The following BMPR1B variants were observed in gnomAD, a reference collection of about 807,000 sequenced individuals.
BMPR1B encodes the protein bone morphogenetic protein receptor type 1B.
A neutral mutation model predicts 59.1 loss-of-function variants in BMPR1B; 12 were observed. The ratio of observed to expected loss-of-function variants is 0.20; its 90% CI spans 0.13 to 0.33. The LOEUF (loss-of-function observed/expected upper bound fraction) is 0.33, where lower values mean the gene tolerates loss of function less well. Ranked by LOEUF, BMPR1B falls within the 10% of genes least tolerant of loss-of-function variation. The pLI is 1.00. For missense variants in BMPR1B, 550 were observed against 610.9 expected (o/e 0.90, Z 1.05); for synonymous variants, 237 against 207.3 (o/e 1.14, Z -1.23).
chr4:95,014,365 A>G (rs1049944824), intron 3 of BMPR1B, among the ~76,000 whole-genome samples: 1 of 152,224 alleles, frequency 6.6e-6, no homozygotes, highest in Non-Finnish European at 1.5e-5. Context: ...ATTAAGAATA[A>G]TTAAGTTAAT....
intron 2 of BMPR1B, among the ~76,000 whole-genome samples, chr4:94,954,317 ACT>A (rs2149058655): frequency 6.6e-6 from 1 of 152,150 alleles, no homozygotes; most frequent in Admixed American, 6.5e-5. Context: ...TTTATTTTCT[ACT>A]CATATACTTC....
At chr4:94,801,173 T>G (rs1723393438) in intron 1 of BMPR1B, among the ~76,000 whole-genome samples, 1 of 152,200 alleles carries the variant, frequency 6.6e-6, no homozygotes, top group South Asian at 2.1e-4. Context: ...CCTTTGCACA[T>G]AATAGTTCTT....
chr4:95,003,801 C>CTTTTTTTTT (rs5860385), intron 3 of BMPR1B, among the ~76,000 whole-genome samples: 36 of 84,558 alleles, frequency 4.3e-4, no homozygotes, highest in Non-Finnish European at 5.1e-4. Flanking sequence ...CAAAGTCCAT[C>CTTTTTTTTT]TTTTTTTTTT....
intron 3 of BMPR1B, among the ~76,000 whole-genome samples, chr4:95,090,682 T>C (rs912941993): frequency 3.9e-5 from 6 of 152,026 alleles, no homozygotes; most frequent in Admixed American, 2.6e-4. Flanking sequence ...TTGAAATATT[T>C]GTGTATGGTA....
At chr4:94,767,968 G>GAT (rs1258637802) in intron 1 of BMPR1B, among the ~76,000 whole-genome samples, 2 of 151,602 alleles carry the variant, frequency 1.3e-5, no homozygotes, top group African/African-American at 4.8e-5. Flanking sequence ...TTAAGACTGA[G>GAT]ATAAACAGCC....
chr4:94,994,722 G>A (rs1721954313), intron 2 of BMPR1B, among the ~76,000 whole-genome samples: 1 of 150,630 alleles, frequency 6.6e-6, no homozygotes, highest in Non-Finnish European at 1.5e-5. Context: ...CAGTTACACT[G>A]TAGAAAGTTA....
chr4:95,110,060 C>T (rs1184486462), intron 4 of BMPR1B, among the ~76,000 whole-genome samples: 2 of 151,790 alleles, frequency 1.3e-5, no homozygotes, highest in Non-Finnish European at 2.9e-5. Flanking sequence ...TTTAGACGGT[C>T]CCAGTTTGTT....
At chr4:94,978,301 A>G (rs1731105872) in intron 2 of BMPR1B, among the ~76,000 whole-genome samples, 1 of 152,236 alleles carries the variant, frequency 6.6e-6, no homozygotes, top group South Asian at 2.1e-4. Flanking sequence ...GATTTTTGGC[A>G]GGCATCAACT....
At chr4:94,891,737 C>T (rs540394795) in intron 2 of BMPR1B, among the ~76,000 whole-genome samples, 1 of 152,098 alleles carries the variant, frequency 6.6e-6, no homozygotes, top group South Asian at 2.1e-4. Context: ...ATATCTAGGG[C>T]TTACCAGATC....
chr4:94,919,340 G>A (rs184452859), intron 2 of BMPR1B, among the ~76,000 whole-genome samples: 117 of 152,228 alleles, frequency 7.7e-4, no homozygotes, highest in South Asian at 2.1e-3. Context: ...AAACTTTTAT[G>A]ACTAGTAATT....
At chr4:95,153,199 G>A (rs1451275878) in intron 12 of BMPR1B, among the ~76,000 whole-genome samples, 1 of 152,188 alleles carries the variant, frequency 6.6e-6, no homozygotes, top group Admixed American at 6.5e-5. Context: ...ACCTAGTTAA[G>A]ATGCCTGACT....
intron 1 of BMPR1B, among the ~76,000 whole-genome samples, chr4:94,808,294 T>C (rs1015899831): frequency 6.6e-6 from 1 of 152,172 alleles, no homozygotes; most frequent in African/African-American, 2.4e-5. Flanking sequence ...AGAAAACAAC[T>C]GGTAGTTTTT....
chr4:94,890,112 A>T (rs765613927), intron 2 of BMPR1B, among the ~76,000 whole-genome samples: 23 of 152,060 alleles, frequency 1.5e-4, no homozygotes, highest in Non-Finnish European at 2.5e-4. Flanking sequence ...TGCCAAGCCT[A>T]CAGTTAATGT....
At chr4:94,802,870 C>G (rs558466435) in intron 1 of BMPR1B, among the ~76,000 whole-genome samples, 36 of 152,204 alleles carry the variant, frequency 2.4e-4, no homozygotes, top group African/African-American at 8.4e-4. Flanking sequence ...TGTTGCTCAT[C>G]TCTCAGTTAT....
intron 2 of BMPR1B, among the ~76,000 whole-genome samples, chr4:94,978,652 A>G (rs981017239): frequency 7.2e-5 from 11 of 152,172 alleles, no homozygotes; most frequent in African/African-American, 2.7e-4. Flanking sequence ...TCATAGACAT[A>G]AGCTTATCAG....
Position 95,152,686 on chromosome 4 carries a change from C to T in BMPR1B, c.1296C>T (p.Pro432=). The T allele has an allele frequency of 6.3e-7, 1 of 1,589,028 alleles. No individual in the cohort carries two copies. The highest frequency in any genetic ancestry group is 8.6e-7 in the Non-Finnish European group (1 of 1,167,038). ...EYQLPYHDLV[P]SDPSYEDMRE... ...AGCTTCCTTATCATGACCTAGTGCC[C>T]AGTGACCCCTCTTATGAGGACATGA... The change falls in exon 12 of 13, where the codon CCC becomes CCT. Residue 432 remains proline (P), a synonymous_variant. Transcript: ENST00000515059.
chr4:94,811,097 G>C (rs1723795503), intron 1 of BMPR1B, among the ~76,000 whole-genome samples: 1 of 152,176 alleles, frequency 6.6e-6, no homozygotes, highest in African/African-American at 2.4e-5. Flanking sequence ...ATGATAACAA[G>C]AATATCATGT....
rs1724436918 is a variant in BMPR1B at position 94,827,766 on chromosome 4, C to G, written c.-182-48065C>G. Among the ~76,000 whole-genome samples, 6 of 152,060 alleles carry G rather than the reference C, an allele frequency of 3.9e-5. No homozygotes were observed. In the South Asian group the frequency reaches 1.2e-3, roughly 32 times the overall value. ...TTAAATATTTATTTATTTTCACATG[C>G]AGTTTTTGTGATTAAAAGGGAGGAG... On this transcript the variant is annotated intron_variant, in intron 1 of 12. Coordinates refer to ENST00000515059, the MANE Select transcript of BMPR1B (RefSeq NM_001203.3).
chr4:94,952,782 G>T (rs1281366519), intron 2 of BMPR1B, among the ~76,000 whole-genome samples: 2 of 152,090 alleles, frequency 1.3e-5, no homozygotes, highest in Non-Finnish European at 2.9e-5. Context: ...GGTCTGCTTG[G>T]TCCAGAGCTG....
Sources: gnomAD v4.1 joint callset for allele counts (sites outside exome capture counted in the v4.1 genomes callset) on GRCh38, gnomAD v4.1.1 for gene constraint, MANE v1.5 for transcripts, NCBI Gene and HGNC (gene_info 2026-07-23, HGNC 2026-07-21) for gene names.